The following DYM variants were observed in gnomAD, a reference collection of about 807,000 sequenced individuals.
The protein encoded by DYM is dymeclin.
In DYM, 78 loss-of-function variants were observed where a neutral mutation model predicts 93.1. The observed-to-expected ratio is 0.84, with a 90% CI of 0.70 to 1.01. DYM has a LOEUF of 1.01. Ranked by LOEUF, DYM falls within the 50% of genes least tolerant of loss-of-function variation. DYM has a pLI of 0.00. For synonymous variants in DYM, 321 were observed against 319.7 expected, an observed-to-expected ratio of 1.00 and a Z score of -0.04; for missense variants, 789 against 845.0, an observed-to-expected ratio of 0.93 and a Z score of 0.82.
intron 15 of DYM, among the ~76,000 whole-genome samples, chr18:49,138,585 G>C (rs1310173151): frequency 6.6e-6 from 1 of 152,076 alleles, no homozygotes; most frequent in Non-Finnish European, 1.5e-5. Context: ...AGATTAACAG[G>C]CTAATTGATG....
At chr18:49,172,594 G>A (rs906244876) in intron 14 of DYM, among the ~76,000 whole-genome samples, 2 of 151,954 alleles carry the variant, frequency 1.3e-5, no homozygotes, top group African/African-American at 4.8e-5. Context: ...TAAAACAATG[G>A]GTTGTTTTTC....
intron 10 of DYM, 101 bp from the exon 11 acceptor site, chr18:49,272,404 A>G (rs1599035779): frequency 1.2e-6 from 1 of 837,880 alleles, no homozygotes; most frequent in East Asian, 2.7e-5. Context: ...CTTTAATATC[A>G]GTTATATTTT....
At chr18:49,440,101 T>C (rs1029188501) in intron 1 of DYM, among the ~76,000 whole-genome samples, 1 of 132,562 alleles carries the variant, frequency 7.5e-6, no homozygotes, top group African/African-American at 2.6e-5. Context: ...ATTTGATAAA[T>C]ACATAAAGTC....
chr18:49,372,675 G>A (rs999998304), intron 5 of DYM, among the ~76,000 whole-genome samples: 1 of 152,192 alleles, frequency 6.6e-6, no homozygotes, highest in African/African-American at 2.4e-5. Context: ...AACCTGGGAG[G>A]TGGAAGCTGC....
At chr18:49,388,522 CAGAAT>C (rs1169799222) in intron 3 of DYM, among the ~76,000 whole-genome samples, 1 of 151,428 alleles carries the variant, frequency 6.6e-6, no homozygotes, top group Non-Finnish European at 1.5e-5. Flanking sequence ...AGAGGAGAGA[CAGAAT>C]AGAACAAAAA....
chr18:49,361,936 G>C (rs2066059609), intron 6 of DYM, among the ~76,000 whole-genome samples: 1 of 152,066 alleles, frequency 6.6e-6, no homozygotes, highest in Non-Finnish European at 1.5e-5. Context: ...ATGTTGGCCA[G>C]GCTGGTCGTG....
intron 2 of DYM, among the ~76,000 whole-genome samples, chr18:49,404,557 T>C (rs1046241452): frequency 6.6e-6 from 1 of 152,176 alleles, no homozygotes; most frequent in African/African-American, 2.4e-5. Context: ...AGCACTCCCT[T>C]TTCTCTGCAG....
chr18:49,119,595 A>G (rs1422108752), intron 15 of DYM, among the ~76,000 whole-genome samples: 5 of 152,246 alleles, frequency 3.3e-5, no homozygotes, highest in African/African-American at 9.6e-5. Context: ...AGCAAAAATT[A>G]TAACATTGAT....
chr18:49,442,056 G>GA (rs2081683974), intron 1 of DYM, among the ~76,000 whole-genome samples: 1 of 152,120 alleles, frequency 6.6e-6, no homozygotes, highest in Non-Finnish European at 1.5e-5. Context: ...GGAACCTAGG[G>GA]AAAAGATACA....
intron 1 of DYM, among the ~76,000 whole-genome samples, chr18:49,456,966 C>G (rs1285411321): frequency 1.3e-5 from 2 of 152,204 alleles, no homozygotes; most frequent in Non-Finnish European, 2.9e-5. Flanking sequence ...GTGAAACCCA[C>G]TAGGAAACAG....
chr18:49,141,093 C>T (rs79583888), intron 15 of DYM, among the ~76,000 whole-genome samples: 1 of 152,224 alleles, frequency 6.6e-6, no homozygotes, highest in Non-Finnish European at 1.5e-5. Context: ...GGAGGTCTCT[C>T]AGAGCTCTGG....
chr18:49,155,376 T>C (rs2086286165), intron 15 of DYM, among the ~76,000 whole-genome samples: 2 of 152,246 alleles, frequency 1.3e-5, no homozygotes, highest in African/African-American at 4.8e-5. Context: ...TTTTTTTCAA[T>C]GGCTTCATCA....
chr18:49,446,614 T>C (rs920119079), intron 1 of DYM, among the ~76,000 whole-genome samples: 1 of 152,168 alleles, frequency 6.6e-6, no homozygotes, highest in Non-Finnish European at 1.5e-5. Context: ...ATTTCCTGAG[T>C]GCCCACTATG....
chr18:49,296,487 C>A (rs961156650), intron 8 of DYM, among the ~76,000 whole-genome samples: 13 of 152,086 alleles, frequency 8.5e-5, no homozygotes, highest in Non-Finnish European at 1.5e-5. Context: ...TAATGCCCTA[C>A]CCACGCAGCT....
At chr18:49,226,464 T>C (rs970936916) in intron 13 of DYM, among the ~76,000 whole-genome samples, 11 of 152,170 alleles carry the variant, frequency 7.2e-5, no homozygotes, top group African/African-American at 2.4e-4. Flanking sequence ...TTCCCAGCAA[T>C]GCACAGTTTG....
At position 49,133,224 on chromosome 18, in the gene DYM, A is replaced by G. The variant is rs530878922; in HGVS notation, c.1729-14298T>C. On this transcript the variant is annotated intron_variant, in intron 15 of 17. Coordinates refer to ENST00000675505, the MANE Select transcript of DYM (RefSeq NM_001353214.3). Reference sequence around the variant, plus strand: ...CTTAAGAGTCTTAAAAAATGTGAAGACTCTTTGTCCCTACAATTCTAATAT... The same window carrying G: ...CTTAAGAGTCTTAAAAAATGTGAAGGCTCTTTGTCCCTACAATTCTAATAT... Among the ~76,000 whole-genome samples the G allele has an allele frequency of 2.0e-5, 3 of 152,056 alleles. No individual in the cohort carries two copies. In the East Asian group the frequency reaches 5.8e-4, roughly 29 times the overall value.
At chr18:49,285,913 T>C (rs1054560447) in intron 9 of DYM, among the ~76,000 whole-genome samples, 3 of 152,220 alleles carry the variant, frequency 2.0e-5, no homozygotes, top group African/African-American at 7.2e-5. Flanking sequence ...AGCACAGCCA[T>C]CTAACTTGTT....
chr18:49,212,701 T>A (rs547055593), intron 13 of DYM, among the ~76,000 whole-genome samples: 1 of 152,246 alleles, frequency 6.6e-6, no homozygotes, highest in African/African-American at 2.4e-5. Flanking sequence ...CTCACTATAT[T>A]GCCCAGTCTG....
intron 2 of DYM, among the ~76,000 whole-genome samples, chr18:49,425,078 A>G (rs577114117): frequency 6.4e-4 from 97 of 152,298 alleles, no homozygotes; most frequent in Middle Eastern, 3.4e-3. Flanking sequence ...AAGAGCCCGC[A>G]TTGCCAAGTC....
Sources: allele counts gnomAD v4.1 joint callset (sites outside exome capture counted in the v4.1 genomes callset), GRCh38; gene constraint gnomAD v4.1.1; transcripts MANE v1.5; gene names NCBI Gene and HGNC (gene_info 2026-07-23, HGNC 2026-07-21).